The following RPS6KC1 variants were observed in gnomAD, a reference collection of about 807,000 sequenced individuals.
RPS6KC1 encodes the protein inactive ribosomal protein S6 kinase delta-1.
RPS6KC1 carries 54 observed loss-of-function variants against 103.8 expected under a neutral mutation model. The observed-to-expected ratio is 0.52, with a 90% CI of 0.42 to 0.65. The LOEUF (loss-of-function observed/expected upper bound fraction) is 0.65. Ranked by LOEUF, RPS6KC1 falls within the 30% of genes least tolerant of loss-of-function variation. The pLI is 0.00. For missense variants in RPS6KC1, 1,151 were observed against 1,253.8 expected, an observed-to-expected ratio of 0.92 and a Z score of 1.24; for synonymous variants, 439 against 438.7, an observed-to-expected ratio of 1.00 and a Z score of -0.01.
At chr1:213,211,157 T>C (rs556187917) in intron 8 of RPS6KC1, among the ~76,000 whole-genome samples, 6 of 152,336 alleles carry the variant, frequency 3.9e-5, no homozygotes, top group African/African-American at 1.4e-4. Context: ...GAATTAATTT[T>C]CATCTAAATT....
At chr1:213,601,485 A>G in the RPS6KC1 span, among the ~76,000 whole-genome samples, 1 of 148,862 alleles carries the variant, frequency 6.7e-6, no homozygotes, top group South Asian at 2.1e-4. Flanking sequence ...ATTAAACTAT[A>G]GAAAATATAT....
At chr1:213,616,994 G>T in the RPS6KC1 span, among the ~76,000 whole-genome samples, 1 of 152,228 alleles carries the variant, frequency 6.6e-6, no homozygotes, top group Non-Finnish European at 1.5e-5. Flanking sequence ...TCATTGGTAA[G>T]AAGGGACACA....
chr1:213,156,289 A>T (rs1281997402), intron 6 of RPS6KC1, among the ~76,000 whole-genome samples: 2 of 152,192 alleles, frequency 1.3e-5, no homozygotes, highest in African/African-American at 4.8e-5. Context: ...AGGACATAGT[A>T]ATAGAAACTA....
At chr1:213,168,606 A>G (rs1456629352) in intron 7 of RPS6KC1, among the ~76,000 whole-genome samples, 2 of 151,830 alleles carry the variant, frequency 1.3e-5, no homozygotes, top group Non-Finnish European at 2.9e-5. Flanking sequence ...GAAATGGGAG[A>G]AAGGGTTTAG....
chr1:213,434,782 G>GT, the RPS6KC1 span, among the ~76,000 whole-genome samples: 65,411 of 151,148 alleles, frequency 0.43, 14,700 homozygotes, highest in East Asian at 0.56. Flanking sequence ...ATAACTGACT[G>GT]TTTTTTTTTC....
At chr1:213,482,918 G>T in the RPS6KC1 span, among the ~76,000 whole-genome samples, 3 of 151,902 alleles carry the variant, frequency 2.0e-5, no homozygotes, top group African/African-American at 7.3e-5. Context: ...TGTTTATTAT[G>T]TATTTTAGTG....
chr1:213,267,963 T>C (rs910576053), intron 14 of RPS6KC1, among the ~76,000 whole-genome samples: 1 of 151,808 alleles, frequency 6.6e-6, no homozygotes, highest in Non-Finnish European at 1.5e-5. Context: ...CCAGTATACA[T>C]ATAATGATAG....
chr1:213,130,483 G>A (rs1283267604), intron 6 of RPS6KC1, among the ~76,000 whole-genome samples: 1 of 152,072 alleles, frequency 6.6e-6, no homozygotes, highest in African/African-American at 2.4e-5. Context: ...GAAGCATTCT[G>A]CATTTAGTTG....
rs762422522 is a variant in RPS6KC1 at position 213,176,385 on chromosome 1, G to GA, written c.952-14dup. On this transcript the variant is annotated splice_polypyrimidine_tract_variant and intron_variant, in intron 7 of 14. Transcript: ENST00000366960. ...CCTCCCTGATTGATGTATAATCTTT[G>GA]ATATCTTCCATTAGCCTCCAGGATC... 4 of 1,574,556 alleles carry GA rather than the reference G, an allele frequency of 2.5e-6. No homozygotes were observed. The African/African-American group carries it at 5.4e-5, about 21-fold the overall frequency.
chr1:213,628,014 G>A, the RPS6KC1 span, among the ~76,000 whole-genome samples: 1 of 152,236 alleles, frequency 6.6e-6, no homozygotes, highest in Middle Eastern at 3.4e-3. Context: ...GCTCCTCCTT[G>A]TACCTCTGGT....
chr1:213,454,277 ATTC>A, the RPS6KC1 span, among the ~76,000 whole-genome samples: 1 of 152,194 alleles, frequency 6.6e-6, no homozygotes, highest in East Asian at 1.9e-4. Flanking sequence ...TAATATGAAT[ATTC>A]TTAATATCAA....
the RPS6KC1 span, among the ~76,000 whole-genome samples, chr1:213,806,157 C>G: frequency 1.3e-5 from 2 of 151,956 alleles, no homozygotes; most frequent in African/African-American, 4.8e-5. Context: ...ACGGTGAAAC[C>G]CTGTCTCTAC....
chr1:213,158,620 G>T (rs531309330), intron 6 of RPS6KC1, among the ~76,000 whole-genome samples: 1 of 152,078 alleles, frequency 6.6e-6, no homozygotes, highest in Non-Finnish European at 1.5e-5. Flanking sequence ...GATTTGTATC[G>T]AAATAAAGAG....
chr1:213,585,932 T>G, the RPS6KC1 span, among the ~76,000 whole-genome samples: 2 of 152,182 alleles, frequency 1.3e-5, no homozygotes, highest in Non-Finnish European at 2.9e-5. Context: ...AGAGGGGATA[T>G]GCTGGATTGA....
At chr1:213,420,717 C>A in the RPS6KC1 span, among the ~76,000 whole-genome samples, 1 of 152,186 alleles carries the variant, frequency 6.6e-6, no homozygotes, top group Non-Finnish European at 1.5e-5. Flanking sequence ...CCTTGGTTGA[C>A]CCCTGTATTA....
At chr1:213,820,119 C>A in the RPS6KC1 span, 4 of 152,152 alleles carry the variant, frequency 2.6e-5, no homozygotes, top group Non-Finnish European at 5.9e-5. Context: ...AGCACTGAGA[C>A]GGACAAGAAG....
At chr1:213,722,964 A>G in the RPS6KC1 span, among the ~76,000 whole-genome samples, 1 of 152,170 alleles carries the variant, frequency 6.6e-6, no homozygotes, top group Non-Finnish European at 1.5e-5. Context: ...GGATCACCTG[A>G]GGTCAGGAGT....
the RPS6KC1 span, among the ~76,000 whole-genome samples, chr1:213,576,527 C>A: frequency 6.6e-6 from 1 of 151,882 alleles, no homozygotes; most frequent in South Asian, 2.1e-4. Flanking sequence ...GGTCTGTGAT[C>A]ATCAGTTTTG....
chr1:213,531,316 C>T, the RPS6KC1 span, among the ~76,000 whole-genome samples: 3 of 152,144 alleles, frequency 2.0e-5, no homozygotes, highest in Admixed American at 2.0e-4. Flanking sequence ...GCTCCTGAAA[C>T]ACCTTTCCTA....
Sources: allele counts gnomAD v4.1 joint callset (sites outside exome capture counted in the v4.1 genomes callset), GRCh38; gene constraint gnomAD v4.1.1; transcripts MANE v1.5; gene names NCBI Gene and HGNC (gene_info 2026-07-23, HGNC 2026-07-21).